The following TBC1D5 variants were observed in gnomAD, a reference collection of about 807,000 sequenced individuals.
The protein encoded by TBC1D5 is TBC1 domain family, member 5.
TBC1D5 carries 75 observed loss-of-function variants against 100.3 expected under a neutral mutation model. The observed-to-expected ratio is 0.75, with a 90% CI of 0.62 to 0.91. The LOEUF is 0.91. Among genes scored for constraint, TBC1D5 ranks in the 40% least tolerant of loss-of-function variants. TBC1D5 has a pLI of 0.00. For synonymous variants in TBC1D5, 323 were observed against 325.6 expected (o/e 0.99, Z 0.09); for missense variants, 910 against 942.4 (o/e 0.97, Z 0.45).
chr3:17,617,516 T>A (rs1241676407), intron 2 of TBC1D5, among the ~76,000 whole-genome samples: 1 of 152,242 alleles, frequency 6.6e-6, no homozygotes, highest in Non-Finnish European at 1.5e-5. Context: ...ATTCTCCATG[T>A]CAGCTTCAGG....
chr3:17,651,984 T>C (rs1315351897), intron 1 of TBC1D5, among the ~76,000 whole-genome samples: 1 of 152,164 alleles, frequency 6.6e-6, no homozygotes, highest in African/African-American at 2.4e-5. Flanking sequence ...GGAAAAGATT[T>C]CCTAGGTTGA....
chr3:17,277,124 A>G (rs946095026), intron 15 of TBC1D5, among the ~76,000 whole-genome samples: 4 of 152,252 alleles, frequency 2.6e-5, no homozygotes, highest in Non-Finnish European at 4.4e-5. Context: ...ATATCCTATT[A>G]ACAATTAAAG....
intron 2 of TBC1D5, among the ~76,000 whole-genome samples, chr3:17,590,425 T>C (rs2096759443): frequency 6.6e-6 from 1 of 152,154 alleles, no homozygotes. Context: ...AAATTGGAAA[T>C]ACCTGATCTC....
chr3:17,421,083 T>C (rs965961875), intron 4 of TBC1D5, among the ~76,000 whole-genome samples: 9 of 152,160 alleles, frequency 5.9e-5, no homozygotes, highest in African/African-American at 2.2e-4. Flanking sequence ...CTTTTCAAAA[T>C]AGAGGGTAAC....
chr3:17,270,039 GT>G (rs541594057), intron 15 of TBC1D5, among the ~76,000 whole-genome samples: 139 of 152,244 alleles, frequency 9.1e-4, no homozygotes, highest in African/African-American at 3.2e-3. Context: ...TTGAATGGTA[GT>G]TCTATTTTTA....
intron 14 of TBC1D5, among the ~76,000 whole-genome samples, chr3:17,306,358 G>A (rs566499746): frequency 3.3e-5 from 5 of 152,306 alleles, no homozygotes; most frequent in Non-Finnish European, 7.3e-5. Flanking sequence ...GCAGTGATCT[G>A]TAAATACCTG....
chr3:17,484,490 T>TGTGTGTGTG (rs2095536962), intron 3 of TBC1D5, among the ~76,000 whole-genome samples: 1 of 99,404 alleles, frequency 1.0e-5, no homozygotes, highest in African/African-American at 4.9e-5. Context: ...GTGTGTGTGT[T>TGTGTGTGTG]TGGGTAACAA....
chr3:17,704,622 C>G lies in TBC1D5; in HGVS notation c.-101+34721G>C. Among the ~76,000 whole-genome samples, 2 of 77,748 alleles carry G rather than the reference C, an allele frequency of 2.6e-5. 1 individual carries two copies. The highest frequency in any genetic ancestry group is 5.3e-5 in the Non-Finnish European group (2 of 37,882). 51.0% of individuals were successfully genotyped at this position (77,748 alleles called of 152,430 possible). On this transcript the variant is annotated intron_variant, in intron 1 of 21. Coordinates refer to ENST00000253692, the Ensembl canonical transcript of TBC1D5. ...GGGGCCGACACCCCCACCAACCTCC[C>G]GGACGGGGCTGCTGGCCAGGCGGGG...
At chr3:17,209,916 A>ATT (rs1326990309) in intron 18 of TBC1D5, among the ~76,000 whole-genome samples, 1 of 152,142 alleles carries the variant, frequency 6.6e-6, no homozygotes, top group Admixed American at 6.5e-5. Flanking sequence ...TGGGTCTGCT[A>ATT]TTTAGCAGTG....
At chr3:17,568,036 A>G (rs1022599057) in intron 2 of TBC1D5, among the ~76,000 whole-genome samples, 1 of 151,588 alleles carries the variant, frequency 6.6e-6, no homozygotes, top group Non-Finnish European at 1.5e-5. Flanking sequence ...CTCTTCAGAG[A>G]GCATCACAAG....
chr3:17,207,409 C>T (rs537276466), intron 18 of TBC1D5, among the ~76,000 whole-genome samples: 1 of 152,186 alleles, frequency 6.6e-6, no homozygotes, highest in East Asian at 1.9e-4. Flanking sequence ...CAAACCAATA[C>T]CAATCCTCAA....
chr3:17,451,294 A>G (rs1213644865), intron 3 of TBC1D5, among the ~76,000 whole-genome samples: 1 of 152,252 alleles, frequency 6.6e-6, no homozygotes, highest in Admixed American at 6.5e-5. Context: ...TGTAAAGACC[A>G]TCAACACTAT....
intron 18 of TBC1D5, among the ~76,000 whole-genome samples, chr3:17,208,631 A>G (rs530882778): frequency 1.3e-5 from 2 of 152,340 alleles, no homozygotes; most frequent in African/African-American, 4.8e-5. Flanking sequence ...GATTACTTGC[A>G]TTCTGTCTCT....
At chr3:17,384,839 G>A (rs376153800) in intron 8 of TBC1D5, among the ~76,000 whole-genome samples, 11 of 151,966 alleles carry the variant, frequency 7.2e-5, no homozygotes, top group African/African-American at 2.7e-4. Flanking sequence ...AAGAAAAGGT[G>A]GAGTAAGGCT....
In TBC1D5 at chr3:17,239,003, C is replaced by A. The variant is rs573963353; in HGVS notation, c.1332-584G>T. On this transcript the variant is annotated intron_variant, in intron 16 of 21. Transcript: ENST00000253692. ...TCTCTACCCCAGTGCTCCATATCCT[C>A]CTTCTCCACTTCCCTGGTTTATTTT... 2.6e-5 allele frequency among the ~76,000 whole-genome samples: 4 copies of A among 152,278 alleles called. No homozygotes were observed. The South Asian group carries it at 8.3e-4, about 32-fold the overall frequency.
intron 3 of TBC1D5, among the ~76,000 whole-genome samples, chr3:17,499,843 CT>C (rs1213900156): frequency 6.7e-6 from 1 of 149,406 alleles, no homozygotes; most frequent in Non-Finnish European, 1.5e-5. Flanking sequence ...TAAGATAATA[CT>C]CTAAATCACC....
intron 2 of TBC1D5, among the ~76,000 whole-genome samples, chr3:17,611,114 A>C (rs2061643283): frequency 6.6e-6 from 1 of 152,338 alleles, no homozygotes; most frequent in South Asian, 2.1e-4. Flanking sequence ...TGAATGAAAA[A>C]AGAAAAATCA....
chr3:17,551,744 C>T (rs1193172616), intron 2 of TBC1D5, among the ~76,000 whole-genome samples: 1 of 152,116 alleles, frequency 6.6e-6, no homozygotes, highest in African/African-American at 2.4e-5. Context: ...GTTCTCTGAA[C>T]ACAGATGTTG....
chr3:17,702,027 A>G (rs971755170), intron 1 of TBC1D5, among the ~76,000 whole-genome samples: 3 of 152,168 alleles, frequency 2.0e-5, no homozygotes, highest in African/African-American at 4.8e-5. Flanking sequence ...TTATTAAATT[A>G]GGGTGAATTT....
Sources: allele counts gnomAD v4.1 joint callset (sites outside exome capture counted in the v4.1 genomes callset), GRCh38; gene constraint gnomAD v4.1.1; transcripts MANE v1.5; gene names NCBI Gene and HGNC (gene_info 2026-07-23, HGNC 2026-07-21).